The following OTOF variants were observed in gnomAD, a reference collection of about 807,000 sequenced individuals.
The protein encoded by OTOF is fer-1-like family member 2.
In OTOF, 218 loss-of-function variants were observed where a neutral mutation model predicts 236.8. The ratio of observed to expected loss-of-function variants is 0.92; its 90% confidence interval spans 0.82 to 1.03. The LOEUF (loss-of-function observed/expected upper bound fraction) is 1.03. Ranked by LOEUF, OTOF falls within the 50% of genes least tolerant of loss-of-function variation. OTOF has a pLI of 0.00. For synonymous variants in OTOF, 1,041 were observed against 1,072.5 expected (o/e 0.97, Z 0.57); for missense variants, 2,590 against 2,694.4 (o/e 0.96, Z 0.86).
At position 26,501,769 on chromosome 2, in the gene OTOF, C is replaced by T. The variant is rs1238190736; in HGVS notation, c.750G>A (p.Arg250=). The T allele has an allele frequency of 9.3e-6, 15 of 1,613,444 alleles. No homozygotes were observed. The highest frequency in any genetic ancestry group is 1.3e-5 in the Non-Finnish European group (15 of 1,179,516). ...GCCCACCTACCTGGTAATCCATGGG[C>T]CGCCCAGCACTTGGCTCCATCTTAA... is the stretch of plus-strand genomic sequence containing the variant. ...PDIKMEPSAG[R]PMDYQVSITV... The change falls in exon 8 of 47, where the codon CGG becomes CGA. Residue 250 remains arginine (R), a synonymous_variant. Coordinates refer to ENST00000272371, the MANE Select transcript of OTOF (RefSeq NM_194248.3).
At chr2:26,524,305 C>T (rs768104616) in intron 3 of OTOF, among the ~76,000 whole-genome samples, 3 of 152,282 alleles carry the variant, frequency 2.0e-5, no homozygotes, top group Middle Eastern at 3.4e-3. Flanking sequence ...GCCAGGAGTT[C>T]GAGACCATCC....
At chr2:26,463,124 G>A (rs2148022621) in intron 41 of OTOF, among the ~76,000 whole-genome samples, 1 of 152,268 alleles carries the variant, frequency 6.6e-6, no homozygotes, top group South Asian at 2.1e-4. Context: ...GTGTGTGGGT[G>A]TCCGTGGGAG....
At chr2:26,459,033 G>A (rs1039133070) in intron 46 of OTOF, among the ~76,000 whole-genome samples, 30 of 152,224 alleles carry the variant, frequency 2.0e-4, no homozygotes, top group African/African-American at 4.3e-4. Flanking sequence ...ATGGCACAGT[G>A]AGCCAGTGCC....
chr2:26,529,663 G>T (rs1015894637), intron 2 of OTOF, among the ~76,000 whole-genome samples: 4 of 152,156 alleles, frequency 2.6e-5, no homozygotes, highest in African/African-American at 9.7e-5. Context: ...CAGCACCGCG[G>T]GTCACTGCCC....
chr2:26,551,018 C>T (rs575820594), intron 1 of OTOF, among the ~76,000 whole-genome samples: 5 of 152,202 alleles, frequency 3.3e-5, no homozygotes, highest in East Asian at 1.9e-4. Flanking sequence ...GAGACAGAGT[C>T]TCGCTCTGTC....
In OTOF at chr2:26,489,679, G is replaced by C; in HGVS notation, c.959C>G (p.Ser320Trp). The change falls in exon 10 of 47, where the codon TCG becomes TGG. Residue 320 changes from serine (S) to tryptophan (W), a missense_variant and splice_region_variant. This residue lies in a region of OTOF where 1,379 missense variants were observed against 1,341.6 expected (regional missense o/e 1.03). Transcript: ENST00000272371. Reference sequence around the variant, plus strand: ...GGCCAGGGGCTGCTCCCCACTCACCGAAATCTTGATGATCTTGTCAAACAT... The same window carrying C: ...GGCCAGGGGCTGCTCCCCACTCACCCAAATCTTGATGATCTTGTCAAACAT... Reference protein sequence around the residue: ...DVMFDKIIKISVIHSKNLLRS... With the variant: ...DVMFDKIIKIWVIHSKNLLRS... 6.2e-7 allele frequency: 1 copy of C among 1,612,444 alleles called. No homozygotes were observed.
Position 26,472,434 on chromosome 2 carries a change from T to A in OTOF, c.3864+85A>T. ...AGGAGGCTCTTAGTGTCCTTTTCTC[T>A]CGGGGCAGATAGTCTGGTTCACAGG... On this transcript the variant is annotated intron_variant, in intron 30 of 46. Transcript: ENST00000272371. 1.9e-6 allele frequency: 3 copies of A among 1,558,906 alleles called. No individual in the cohort carries two copies. The East Asian group carries it at 6.7e-5, about 35-fold the overall frequency.
chr2:26,543,251 C>T (rs372675268), intron 1 of OTOF, among the ~76,000 whole-genome samples: 2 of 152,208 alleles, frequency 1.3e-5, no homozygotes, highest in African/African-American at 2.4e-5. Flanking sequence ...AGCACCCCTG[C>T]GTGCAGGAAA....
At chr2:26,504,056 G>A (rs1034246822) in intron 5 of OTOF, among the ~76,000 whole-genome samples, 1 of 152,100 alleles carries the variant, frequency 6.6e-6, no homozygotes, top group African/African-American at 2.4e-5. Context: ...CTCCACTTCC[G>A]CCTTTGCCAT....
rs774017754 is a variant in OTOF, at chr2:26,474,496, C to G, written c.3288+17G>C. On this transcript the variant is annotated intron_variant, in intron 26 of 46. Coordinates refer to ENST00000272371, the MANE Select transcript of OTOF (RefSeq NM_194248.3). ...CTCCAGTCCCCAGGCCTCAGCCCCT[C>G]TTCCCTGCAGTCCCACCTGCAGCAG... The G allele has an allele frequency of 6.9e-6, 11 of 1,584,070 alleles. No individual in the cohort carries two copies. In the African/African-American group the frequency reaches 8.1e-5, roughly 12 times the overall value.
At chr2:26,547,225 G>A (rs1451705512) in intron 1 of OTOF, among the ~76,000 whole-genome samples, 1 of 152,120 alleles carries the variant, frequency 6.6e-6, no homozygotes, top group East Asian at 1.9e-4. Context: ...TGCATCTATT[G>A]ATATAATCAT....
At chr2:26,493,239 CGG>C (rs1279765308) in intron 9 of OTOF, among the ~76,000 whole-genome samples, 1 of 152,122 alleles carries the variant, frequency 6.6e-6, no homozygotes, top group Admixed American at 6.5e-5. Flanking sequence ...AAGGAGAGTT[CGG>C]CCAGGCCTGG....
rs746069471 is a variant in OTOF, at chr2:26,503,856, G to T, written c.510-11C>A. ...ACGCTCCTCCCGGCTCTGTGAGGGG[G>T]GCCACCAGAATGAGGTGCAGGGAGA... On this transcript the variant is annotated splice_polypyrimidine_tract_variant and intron_variant, in intron 5 of 46. Transcript: ENST00000272371. 1.2e-6 allele frequency: 2 copies of T among 1,613,440 alleles called. No individual in the cohort carries two copies. Among genetic ancestry groups the T allele is most frequent in the Non-Finnish European group, 1.7e-6 (2 of 1,179,334 alleles).
chr2:26,479,712 G>A (rs1000427220), intron 16 of OTOF, 59 bp from the exon 17 acceptor site: 128 of 1,533,306 alleles, frequency 8.3e-5, no homozygotes, highest in South Asian at 6.0e-4. Context: ...CCCTCCCACC[G>A]TCCAATCCGG....
chr2:26,512,615 A>G (rs1191925566), intron 5 of OTOF, among the ~76,000 whole-genome samples: 1 of 152,142 alleles, frequency 6.6e-6, no homozygotes, highest in African/African-American at 2.4e-5. Context: ...CTTTGAGTAA[A>G]TGAGCTCCCT....
In OTOF at chr2:26,465,676, A is replaced by C; in HGVS notation, c.4795T>G (p.Ser1599Ala). 1 of 1,614,194 alleles carries C rather than the reference A, an allele frequency of 6.2e-7. No individual in the cohort carries two copies. The highest frequency in any genetic ancestry group is 8.5e-7 in the Non-Finnish European group (1 of 1,180,006). The change falls in exon 38 of 47, where the codon TCC (serine) becomes GCC (alanine). Residue 1599 changes from serine (S) to alanine (A), a missense_variant. Around this residue, in one of 2 missense-constraint regions of OTOF, gnomAD observed 1,211 missense variants for 1,352.8 expected, o/e 0.90. Transcript: ENST00000272371. ...RATCGIAQTY[S>A]THGYNIWRDP... is the part of the protein sequence containing the mutation. ...TCTGCCCCATGCCCCACATACGTGG[A>C]GTAGGTCTGGGCGATGCCGCAGGTG...
intron 5 of OTOF, 74 bp downstream of exon 5, chr2:26,516,344 C>A: frequency 1.4e-6 from 2 of 1,385,174 alleles, no homozygotes; most frequent in South Asian, 2.6e-5. Context: ...AGAGGCCTGT[C>A]AGTAGGACCA....
chr2:26,466,086 G>A lies in OTOF; in HGVS notation c.4501-10C>T. 6.2e-7 allele frequency: 1 copy of A among 1,614,176 alleles called. No homozygotes were observed. The highest frequency in any genetic ancestry group is 8.5e-7 in the Non-Finnish European group (1 of 1,180,018). ...GGTGCAGGTCCGTGGCCTGGAATGG[G>A]GAGAAGGGCTGCCTGAGCAGGCTCC... On this transcript the variant is annotated splice_polypyrimidine_tract_variant and intron_variant, in intron 36 of 46. Transcript: ENST00000272371.
At chr2:26,495,464 G>A (rs1363511581) in intron 8 of OTOF, among the ~76,000 whole-genome samples, 2 of 152,242 alleles carry the variant, frequency 1.3e-5, no homozygotes, top group East Asian at 1.9e-4. Flanking sequence ...TTACTCTGTT[G>A]CCCAGGCTGG....
Sources: gnomAD v4.1 joint callset for allele counts (sites outside exome capture counted in the v4.1 genomes callset) on GRCh38, gnomAD v4.1.1 for gene constraint, gnomAD v4.1.1 regional missense constraint, MANE v1.5 for transcripts, NCBI Gene and HGNC (gene_info 2026-07-23, HGNC 2026-07-21) for gene names.